ERI1: variants seen among roughly 807,000 people sequenced by gnomAD.
The protein encoded by ERI1 is 3'-5' exoribonuclease 1.
A neutral mutation model predicts 39.7 loss-of-function variants in ERI1; 39 were observed. The observed-to-expected ratio is 0.98, with a 90% confidence interval of 0.76 to 1.28. The LOEUF (loss-of-function observed/expected upper bound fraction) is 1.28, where lower values mean the gene tolerates loss of function less well. Among genes scored for constraint, ERI1 ranks in the 50% most tolerant of loss-of-function variants. ERI1 has a pLI of 0.00. For synonymous variants in ERI1, 204 were observed against 149.6 expected, an observed-to-expected ratio of 1.36 and a Z score of -2.65; for missense variants, 581 against 416.9, an observed-to-expected ratio of 1.39 and a Z score of -3.43.
chr8:9,055,941 G>C (rs1410277883), intron 3 of ERI1, among the ~76,000 whole-genome samples: 1 of 152,150 alleles, frequency 6.6e-6, no homozygotes, highest in Non-Finnish European at 1.5e-5. Flanking sequence ...GCTTGCCTCA[G>C]GGAAAAATGA....
chr8:9,043,238 C>A (rs947307362), intron 3 of ERI1, among the ~76,000 whole-genome samples: 1 of 152,194 alleles, frequency 6.6e-6, no homozygotes, highest in Non-Finnish European at 1.5e-5. Context: ...ACCTTTAAGA[C>A]AAGCAATGAG....
chr8:9,052,527 A>G (rs1354677773), intron 3 of ERI1, among the ~76,000 whole-genome samples: 1 of 152,126 alleles, frequency 6.6e-6, no homozygotes, highest in African/African-American at 2.4e-5. Context: ...AGCATATACC[A>G]CTATTACCCG....
rs979057852 is a variant in ERI1 at position 9,032,996 on chromosome 8, A to G, written c.*2962A>G. On this transcript the variant is annotated 3_prime_UTR_variant, in exon 7 of 7. Transcript: ENST00000250263. ...CTTCTGCATCTTTGATTCCAGCGAC[A>G]TATGATAAAATGTTTTGCACATAGT... 1 of 152,236 alleles carries G rather than the reference A, an allele frequency of 6.6e-6. No individual in the cohort carries two copies. The allele number at this position is 152,236 out of a possible 1,614,324, so 9.4% of individuals were successfully genotyped here.
chr8:9,023,673 T>C (rs985798078), intron 6 of ERI1, among the ~76,000 whole-genome samples: 1 of 146,504 alleles, frequency 6.8e-6, no homozygotes, highest in Non-Finnish European at 1.5e-5. Context: ...TTTCCTTCTT[T>C]TTTTGTACCT....
At chr8:9,066,807 G>C (rs377226452) in intron 3 of ERI1, among the ~76,000 whole-genome samples, 1 of 152,116 alleles carries the variant, frequency 6.6e-6, no homozygotes, top group East Asian at 1.9e-4. Context: ...TGGCTGGTTT[G>C]TCTCTGTGGT....
intron 1 of ERI1, among the ~76,000 whole-genome samples, chr8:9,006,640 T>A (rs145546315): frequency 1.2e-3 from 186 of 152,344 alleles, no homozygotes; most frequent in African/African-American, 4.2e-3. Flanking sequence ...AAATCTAATA[T>A]ATTGTTGAAA....
intron 3 of ERI1, among the ~76,000 whole-genome samples, chr8:9,098,280 G>A (rs1161460555): frequency 6.6e-6 from 1 of 152,226 alleles, no homozygotes; most frequent in African/African-American, 2.4e-5. Context: ...AGCACTTTGG[G>A]AGGCTGAGGC....
chr8:9,051,957 A>C (rs1041135037), intron 3 of ERI1, among the ~76,000 whole-genome samples: 1 of 152,264 alleles, frequency 6.6e-6, no homozygotes, highest in African/African-American at 2.4e-5. Context: ...GCCCAGGCTC[A>C]GATGCCATGC....
chr8:9,040,112 T>C (rs1439146818), intron 3 of ERI1, among the ~76,000 whole-genome samples: 1 of 152,230 alleles, frequency 6.6e-6, no homozygotes, highest in Non-Finnish European at 1.5e-5. Flanking sequence ...AACAGCTGTT[T>C]GTAGCAGTCA....
intron 2 of ERI1, 95 bp from the exon 3 acceptor site, chr8:9,011,447 G>C: frequency 1.5e-6 from 1 of 685,040 alleles, no homozygotes; most frequent in Admixed American, 3.5e-5. Context: ...ATTTCGCTGT[G>C]ATTGTCAGTG....
chr8:9,081,690 G>GTT (rs10701231), intron 3 of ERI1, among the ~76,000 whole-genome samples: 21,176 of 146,630 alleles, frequency 0.14, 1,696 homozygotes, highest in Middle Eastern at 0.2. Flanking sequence ...TTTTGTTTTT[G>GTT]TTTTTTTTTG....
intron 3 of ERI1, among the ~76,000 whole-genome samples, chr8:9,068,097 C>G (rs558530649): frequency 1.3e-5 from 2 of 152,184 alleles, no homozygotes; most frequent in African/African-American, 4.8e-5. Flanking sequence ...ATTTTCAGAG[C>G]AACATCTAAT....
At chr8:9,082,846 G>C (rs1014374332) in intron 3 of ERI1, among the ~76,000 whole-genome samples, 2 of 152,220 alleles carry the variant, frequency 1.3e-5, no homozygotes, top group Non-Finnish European at 2.9e-5. Flanking sequence ...GGTCTAGTCA[G>C]TTCAGGGTGA....
intron 3 of ERI1, among the ~76,000 whole-genome samples, chr8:9,052,957 A>C (rs1249991094): frequency 1.3e-5 from 2 of 152,180 alleles, no homozygotes; most frequent in East Asian, 1.9e-4. Flanking sequence ...TCTGGAGAGA[A>C]GAGGGGAACT....
downstream of ERI1, chr8:9,033,477 G>T (rs1322151486): frequency 6.6e-6 from 1 of 152,140 alleles, no homozygotes. Flanking sequence ...GAGAAAGTTT[G>T]CCTACCCTTA....
At chr8:9,010,123 C>A (rs1054946300) in intron 2 of ERI1, among the ~76,000 whole-genome samples, 1 of 152,180 alleles carries the variant, frequency 6.6e-6, no homozygotes, top group South Asian at 2.1e-4. Flanking sequence ...TAGAGAGAAT[C>A]ATATTCTGAA....
intron 3 of ERI1, among the ~76,000 whole-genome samples, chr8:9,068,317 T>A (rs1798945502): frequency 6.6e-6 from 1 of 152,202 alleles, no homozygotes; most frequent in Non-Finnish European, 1.5e-5. Flanking sequence ...CATAGTTTGC[T>A]TTTAGTAGAG....
intron 2 of ERI1, among the ~76,000 whole-genome samples, chr8:9,010,516 G>A (rs1194786278): frequency 6.6e-6 from 1 of 152,008 alleles, no homozygotes; most frequent in Non-Finnish European, 1.5e-5. Context: ...TCATGGGTAG[G>A]ATTTTTTTCA....
chr8:9,046,212 C>CCAGG (rs1473869660), intron 3 of ERI1, among the ~76,000 whole-genome samples: 7 of 152,292 alleles, frequency 4.6e-5, no homozygotes, highest in South Asian at 2.1e-4. Context: ...GTTCTCTGTC[C>CCAGG]TGAGAAGCGG....
Sources: gnomAD v4.1 joint callset for allele counts (sites outside exome capture counted in the v4.1 genomes callset) on GRCh38, gnomAD v4.1.1 for gene constraint, MANE v1.5 for transcripts, NCBI Gene and HGNC (gene_info 2026-07-23, HGNC 2026-07-21) for gene names.